The following DYDC2 variants were observed in gnomAD, a reference collection of about 807,000 sequenced individuals.
DYDC2 encodes DPY30 domain containing 2, also known as DPY30 domain-containing protein 2.
DYDC2 carries 19 observed loss-of-function variants against 18.7 expected under a neutral mutation model. The ratio of observed to expected loss-of-function variants is 1.02; its 90% CI spans 0.71 to 1.49. The LOEUF is 1.49. Ranked by LOEUF, DYDC2 falls within the 40% of genes most tolerant of loss-of-function variation. DYDC2 has a pLI of 0.00. For synonymous variants in DYDC2, 63 were observed against 67.6 expected, an observed-to-expected ratio of 0.93 and a Z score of 0.34; for missense variants, 179 against 205.1, an observed-to-expected ratio of 0.87 and a Z score of 0.78.
chr10:80,346,014 A>T (rs1329446009), intron 1 of DYDC2, among the ~76,000 whole-genome samples: 1 of 152,042 alleles, frequency 6.6e-6, no homozygotes, highest in East Asian at 1.9e-4. Context: ...TGCCTGGATA[A>T]TTTATACATT....
intron 1 of DYDC2, among the ~76,000 whole-genome samples, chr10:80,357,585 C>G (rs1040305356): frequency 6.6e-6 from 1 of 152,134 alleles, no homozygotes; most frequent in Non-Finnish European, 1.5e-5. Context: ...CAACTCTGCA[C>G]CTTTGCTCTT....
Position 80,362,965 on chromosome 10 carries a change from G to GA in DYDC2, c.163dup (p.Ile55AsnfsTer8), listed in dbSNP as rs1843709294. On this transcript the variant is annotated frameshift_variant, in exon 4 of 5. Coordinates refer to ENST00000256039, the MANE Select transcript of DYDC2 (RefSeq NM_032372.6). LOFTEE classifies it high-confidence loss of function. Reference sequence around the variant, plus strand: ...CCTCACCCCAGAATAGGGAAAAGAAGATCCACCTGCAGGAGGAATATGACA... The same window carrying GA: ...CCTCACCCCAGAATAGGGAAAAGAAGAATCCACCTGCAGGAGGAATATGACA... 3.1e-6 allele frequency: 5 copies of GA among 1,613,550 alleles called. No homozygotes were observed. Among genetic ancestry groups the GA allele is most frequent in the Non-Finnish European group, 4.2e-6 (5 of 1,179,862 alleles).
chr10:80,356,295 A>T, upstream of DYDC2: 1 of 985,628 alleles, frequency 1.0e-6, no homozygotes, highest in South Asian at 4.7e-5. Flanking sequence ...CCTTTCCCAC[A>T]GAAACAGCTG....
upstream of DYDC2, among the ~76,000 whole-genome samples, chr10:80,355,840 G>A (rs1376503794): frequency 2.0e-5 from 3 of 152,110 alleles, no homozygotes; most frequent in African/African-American, 4.8e-5. Flanking sequence ...TTCCAAATGA[G>A]GTTGATATTG....
intron 1 of DYDC2, 149 bp from the exon 2 acceptor site, chr10:80,357,744 G>C: frequency 1.0e-6 from 1 of 969,234 alleles, no homozygotes; most frequent in Non-Finnish European, 1.2e-6. Flanking sequence ...CTCTCTTTCA[G>C]CTTATGGGCG....
At chr10:80,362,131 C>T (rs1296912329) in intron 2 of DYDC2, among the ~76,000 whole-genome samples, 1 of 152,298 alleles carries the variant, frequency 6.6e-6, no homozygotes, top group Admixed American at 6.5e-5. Flanking sequence ...TTGAAAAATG[C>T]CTCCAGAAAA....
At chr10:80,356,745 G>C (rs4934083), upstream of DYDC2, 715,771 of 985,170 alleles carry the variant, frequency 0.73, 262,387 homozygotes, top group East Asian at 0.97. Context: ...ACCCAGGAGC[G>C]GCGTCCCGTT....
rs201594419 is a variant in DYDC2, at chr10:80,350,317, A to T, written c.-310+5502A>T. On this transcript the variant is annotated intron_variant, in intron 1 of 4. Coordinates refer to the DYDC2 transcript ENST00000372197. ...TAAAGTAGTCGAGCCGAAGAGAGTT[A>T]TGTATCTCCCACTTACGATGTAATT... Among the ~76,000 whole-genome samples, 5 of 152,224 alleles carry T rather than the reference A, an allele frequency of 3.3e-5. No individual in the cohort carries two copies. The East Asian group carries it at 9.6e-4, about 29-fold the overall frequency.
chr10:80,345,458 T>G (rs560944814), intron 1 of DYDC2, among the ~76,000 whole-genome samples: 1 of 152,156 alleles, frequency 6.6e-6, no homozygotes, highest in Non-Finnish European at 1.5e-5. Flanking sequence ...TCTTAAAAAT[T>G]TTCCAGTACA....
chr10:80,357,116 T>G (rs1415802607), intron 1 of DYDC2, among the ~76,000 whole-genome samples: 5 of 106,672 alleles, frequency 4.7e-5, no homozygotes, highest in Non-Finnish European at 7.6e-5. Flanking sequence ...GAGTCGGGCC[T>G]GCGGCAGAGA....
Position 80,363,091 on chromosome 10 carries a change from G to C in DYDC2, c.270+18G>C. The stretch of plus-strand genomic sequence containing the variant: ...GTCACAAGGTAGGGAGAAGGACTCA[G>C]CTTTGGGTTGCCACACACATCCCAG... On this transcript the variant is annotated intron_variant, in intron 4 of 4. Transcript: ENST00000256039. 6.2e-7 allele frequency: 1 copy of C among 1,603,012 alleles called. No homozygotes were observed. Among genetic ancestry groups the C allele is most frequent in the Non-Finnish European group, 8.5e-7 (1 of 1,175,100 alleles).
upstream of DYDC2, among the ~76,000 whole-genome samples, chr10:80,355,391 G>A (rs1312062475): frequency 6.6e-6 from 1 of 151,980 alleles, no homozygotes; most frequent in African/African-American, 2.4e-5. Context: ...TGGTGGGAGG[G>A]CAAAATGGTA....
chr10:80,356,698 T>G, upstream of DYDC2: 2 of 984,506 alleles, frequency 2.0e-6, no homozygotes, highest in Non-Finnish European at 2.4e-6. Flanking sequence ...TTCGGGCCTT[T>G]CCGGTGCGCT....
At chr10:80,361,131 G>A (rs2185426) in intron 2 of DYDC2, among the ~76,000 whole-genome samples, 120,427 of 152,014 alleles carry the variant, frequency 0.79, 48,665 homozygotes, top group East Asian at 0.97. Flanking sequence ...TAGTTATTAT[G>A]GCTGTTCAAT....
upstream of DYDC2, among the ~76,000 whole-genome samples, chr10:80,355,176 G>A (rs1301638168): frequency 2.6e-5 from 4 of 151,776 alleles, no homozygotes; most frequent in Non-Finnish European, 4.4e-5. Context: ...ATATAGGAAT[G>A]AGCATGGCAA....
chr10:80,347,419 C>T (rs1419430901), intron 1 of DYDC2, among the ~76,000 whole-genome samples: 1 of 150,664 alleles, frequency 6.6e-6, no homozygotes, highest in Admixed American at 6.7e-5. Context: ...TTTTGTTTTG[C>T]TGATTGTTTG....
At chr10:80,347,133 TA>T (rs1842694903) in intron 1 of DYDC2, among the ~76,000 whole-genome samples, 1 of 151,960 alleles carries the variant, frequency 6.6e-6, no homozygotes, top group South Asian at 2.1e-4. Context: ...TGGTATCTCA[TA>T]GTGGTTTTGA....
intron 4 of DYDC2, among the ~76,000 whole-genome samples, chr10:80,365,065 G>A (rs1042802057): frequency 2.0e-5 from 3 of 152,186 alleles, no homozygotes; most frequent in African/African-American, 7.2e-5. Context: ...CCCAGGATGG[G>A]TTGCATGAAA....
rs1044528422 is a variant in DYDC2 at position 80,363,350 on chromosome 10, T to G, written c.270+277T>G. ...AAAAAAAATCTGTTTTTTTTTTTTT[T>G]TTTTTTTTTTTTGAGATGGAGTCTC... On this transcript the variant is annotated intron_variant, in intron 4 of 4. Coordinates refer to ENST00000256039, the MANE Select transcript of DYDC2 (RefSeq NM_032372.6). Among the ~76,000 whole-genome samples the G allele has an allele frequency of 3.3e-4, 44 of 134,534 alleles. 2 individuals are homozygous for G. Among genetic ancestry groups the G allele is most frequent in the Admixed American group, 2.2e-3 (30 of 13,486 alleles). The allele number at this position is 134,534 out of a possible 152,430, so 88.3% of individuals were successfully genotyped here. A position where few individuals can be genotyped will look rare whatever the true frequency, so the allele number is the denominator to read the frequency against.
Sources: gnomAD v4.1 joint callset for allele counts (sites outside exome capture counted in the v4.1 genomes callset) on GRCh38, gnomAD v4.1.1 for gene constraint, MANE v1.5 for transcripts, NCBI Gene and HGNC (gene_info 2026-07-23, HGNC 2026-07-21) for gene names.